The following DGKB variants were observed in gnomAD, a reference collection of about 807,000 sequenced individuals.
The protein encoded by DGKB is diacylglycerol kinase beta.
Under a neutral mutation model 114.3 loss-of-function variants are expected in DGKB, and 67 were observed. That is an observed-to-expected ratio of 0.59 (90% CI 0.48 to 0.72). The LOEUF is 0.72. Among genes scored for constraint, DGKB ranks in the 30% least tolerant of loss-of-function variants. DGKB has a pLI of 0.00. For synonymous variants in DGKB, 398 were observed against 323.1 expected (o/e 1.23, Z -2.49); for missense variants, 907 against 975.2 (o/e 0.93, Z 0.93).
At position 14,736,198 on chromosome 7, in the gene DGKB, G is replaced by GA. The variant is rs546131981; in HGVS notation, c.169-5dup. The GA allele has an allele frequency of 2.4e-3, 2,715 of 1,150,826 alleles. No homozygotes were observed. The highest frequency in any genetic ancestry group is 7.9e-3 in the Admixed American group (242 of 30,622). 71.3% of individuals were successfully genotyped at this position (1,150,826 alleles called of 1,614,324 possible). ...TGAAACCTTCAAAATCTATTGTCTG[G>GA]AAAAAAAAAATGTAAACATGTATTT... On this transcript the variant is annotated splice_region_variant and splice_polypyrimidine_tract_variant and intron_variant, in intron 4 of 25. Coordinates refer to ENST00000402815, the MANE Select transcript of DGKB (RefSeq NM_001350709.2).
chr7:14,282,837 A>T (rs1800201417), intron 23 of DGKB, among the ~76,000 whole-genome samples: 1 of 152,184 alleles, frequency 6.6e-6, no homozygotes, highest in Non-Finnish European at 1.5e-5. Context: ...AACGCTCAAT[A>T]AATTAGGTAT....
At chr7:14,209,709 G>C (rs1324418062) in intron 23 of DGKB, among the ~76,000 whole-genome samples, 1 of 152,006 alleles carries the variant, frequency 6.6e-6, no homozygotes. Context: ...AAGAAATAAA[G>C]AAAAACTTCA....
rs111415637 is a variant in DGKB at position 14,212,669 on chromosome 7, T to C, written c.2123-34518A>G. Reference sequence around the variant, plus strand: ...CCCAGCTTAGAGTAAATCAGTTTCCTAAACTTCAAGCCCTAGCATCAAATC... The same window carrying C: ...CCCAGCTTAGAGTAAATCAGTTTCCCAAACTTCAAGCCCTAGCATCAAATC... On this transcript the variant is annotated intron_variant, in intron 23 of 25. Transcript: ENST00000402815. 4.2e-3 allele frequency among the ~76,000 whole-genome samples: 641 copies of C among 152,230 alleles called. 3 individuals are homozygous for C. The highest frequency in any genetic ancestry group is 0.015 in the African/African-American group (612 of 41,566).
At chr7:14,216,552 C>T (rs1309671658) in intron 23 of DGKB, among the ~76,000 whole-genome samples, 1 of 151,590 alleles carries the variant, frequency 6.6e-6, no homozygotes, top group Non-Finnish European at 1.5e-5. Flanking sequence ...ATGGTGAAAC[C>T]CCATCTCCAA....
intron 25 of DGKB, among the ~76,000 whole-genome samples, chr7:14,152,285 C>T (rs189105343): frequency 2.0e-5 from 3 of 152,138 alleles, no homozygotes; most frequent in Non-Finnish European, 2.9e-5. Context: ...TTCCTTGATA[C>T]ATCAAATATT....
At chr7:14,827,003 C>A (rs534258014) in intron 2 of DGKB, among the ~76,000 whole-genome samples, 1 of 151,982 alleles carries the variant, frequency 6.6e-6, no homozygotes, top group African/African-American at 2.4e-5. Flanking sequence ...CCTGAAGGTA[C>A]GTGATGCTAA....
intron 23 of DGKB, among the ~76,000 whole-genome samples, chr7:14,237,341 C>T (rs1292930018): frequency 6.6e-6 from 1 of 151,664 alleles, no homozygotes; most frequent in African/African-American, 2.4e-5. Flanking sequence ...TCCCTTTCTC[C>T]CTCTTTCCTT....
intron 2 of DGKB, among the ~76,000 whole-genome samples, chr7:14,768,555 A>G (rs1030616608): frequency 4.6e-5 from 7 of 151,920 alleles, no homozygotes; most frequent in Non-Finnish European, 7.4e-5. Flanking sequence ...AAATTCCCCA[A>G]TGGTATCAGT....
chr7:14,648,365 G>T lies in DGKB; in HGVS notation c.1135-18097C>A, dbSNP rs1397789024. On this transcript the variant is annotated intron_variant, in intron 13 of 25. Coordinates refer to ENST00000402815, the MANE Select transcript of DGKB (RefSeq NM_001350709.2). ...GACCCCCGAGCAGCCTAACTGGGAG[G>T]CACCCCCCAGCAGGGGCACACTCAC... 4.6e-5 allele frequency among the ~76,000 whole-genome samples: 7 copies of T among 152,240 alleles called. No individual in the cohort carries two copies. The East Asian group carries it at 1.4e-3, about 30-fold the overall frequency.
intron 1 of DGKB, among the ~76,000 whole-genome samples, chr7:14,935,656 G>A (rs1785236191): frequency 1.3e-5 from 2 of 151,944 alleles, no homozygotes; most frequent in South Asian, 2.1e-4. Flanking sequence ...CTTCTGTATG[G>A]TAAGACTTTA....
chr7:14,926,553 C>T (rs1398892663), intron 1 of DGKB, among the ~76,000 whole-genome samples: 7 of 150,110 alleles, frequency 4.7e-5, no homozygotes, highest in East Asian at 1.9e-4. Context: ...GCTTCTCTAT[C>T]GTCATGGAAC....
chr7:14,414,494 A>T (rs1011759556), intron 21 of DGKB, among the ~76,000 whole-genome samples: 1 of 152,196 alleles, frequency 6.6e-6, no homozygotes, highest in Non-Finnish European at 1.5e-5. Context: ...TGTGTCAATA[A>T]TAAAAGGCAG....
intron 1 of DGKB, among the ~76,000 whole-genome samples, chr7:14,932,515 T>G (rs1440624563): frequency 6.6e-6 from 1 of 152,216 alleles, no homozygotes; most frequent in East Asian, 1.9e-4. Flanking sequence ...TTGTACATTC[T>G]GTTAATACTG....
At chr7:14,839,544 T>A (rs1847631065) in intron 2 of DGKB, among the ~76,000 whole-genome samples, 1 of 151,440 alleles carries the variant, frequency 6.6e-6, no homozygotes, top group African/African-American at 2.4e-5. Flanking sequence ...TGGGACTACA[T>A]GTGCATGCCA....
At chr7:14,911,372 T>C (rs1783993241) in intron 1 of DGKB, among the ~76,000 whole-genome samples, 1 of 152,114 alleles carries the variant, frequency 6.6e-6, no homozygotes, top group Admixed American at 6.6e-5. Flanking sequence ...GTTTCTATTT[T>C]CATTTTTTTA....
At chr7:14,767,803 A>T (rs1398879012) in intron 2 of DGKB, among the ~76,000 whole-genome samples, 2 of 151,968 alleles carry the variant, frequency 1.3e-5, no homozygotes, top group African/African-American at 4.8e-5. Context: ...TGTGTACATT[A>T]AAAATATTTA....
At chr7:14,254,190 T>C (rs1795632358) in intron 23 of DGKB, among the ~76,000 whole-genome samples, 1 of 152,202 alleles carries the variant, frequency 6.6e-6, no homozygotes, top group Admixed American at 6.5e-5. Flanking sequence ...GACCAAGATT[T>C]GAGTTGAAAG....
chr7:14,926,647 G>A (rs764402734), intron 1 of DGKB, among the ~76,000 whole-genome samples: 2 of 151,058 alleles, frequency 1.3e-5, no homozygotes. Context: ...GTCTTGTGCT[G>A]CTGTCTCATA....
At chr7:14,237,417 G>T (rs576268746) in intron 23 of DGKB, among the ~76,000 whole-genome samples, 138 of 151,888 alleles carry the variant, frequency 9.1e-4, no homozygotes, top group African/African-American at 3.2e-3. Flanking sequence ...GAGACAGGCT[G>T]TGAAAGCGCT....
Sources: allele counts gnomAD v4.1 joint callset (sites outside exome capture counted in the v4.1 genomes callset), GRCh38; gene constraint gnomAD v4.1.1; transcripts MANE v1.5; gene names NCBI Gene and HGNC (gene_info 2026-07-23, HGNC 2026-07-21).